Variants in TMEM40 observed in about 807,000 individuals in gnomAD.
The protein encoded by TMEM40 is transmembrane protein 40.
Under a neutral mutation model 40.8 loss-of-function variants are expected in TMEM40, and 34 were observed. The observed-to-expected ratio is 0.83, with a 90% CI of 0.63 to 1.11. The LOEUF is 1.11. Ranked by LOEUF, TMEM40 falls within the 50% of genes least tolerant of loss-of-function variation. The pLI is 0.00. For missense variants in TMEM40, 296 were observed against 280.2 expected, an observed-to-expected ratio of 1.06 and a Z score of -0.40; for synonymous variants, 106 against 107.0, an observed-to-expected ratio of 0.99 and a Z score of 0.06.
Position 12,748,677 on chromosome 3 carries a change from AGATGAGGAG to A in TMEM40, c.180_188del (p.Ser68_Ser70del). The stretch of plus-strand genomic sequence containing the variant: ...TACCTGAGGAGGAGGAGGATGAAGA[AGATGAGGAG>A]GATGAGGAGGAAGAGGAGGAGGAGG... On this transcript the variant is annotated inframe_deletion, in exon 3 of 12. Coordinates refer to ENST00000314124, the MANE Select transcript of TMEM40 (RefSeq NM_018306.4). 4 of 1,613,058 alleles carry A rather than the reference AGATGAGGAG, an allele frequency of 2.5e-6. No individual in the cohort carries two copies. Among genetic ancestry groups the A allele is most frequent in the Non-Finnish European group, 3.4e-6 (4 of 1,179,322 alleles).
intron 1 of TMEM40, among the ~76,000 whole-genome samples, chr3:12,756,305 C>T (rs2061526649): frequency 6.6e-6 from 1 of 152,162 alleles, no homozygotes; most frequent in African/African-American, 2.4e-5. Context: ...CTAACGGCCA[C>T]CATACTTGTA....
chr3:12,748,721 T>C lies in TMEM40; in HGVS notation c.145A>G (p.Lys49Glu), dbSNP rs1234524938. ...GAAGAGGAGGAGGAGGAAGAAGACT[T>C]GTTTCTCTCATATTGTTCTTGGGAA... The part of the protein sequence containing the change: ...LFSQEQYERN[K>E]SSSSSSSSSS... The change falls in exon 3 of 12, where the codon AAG becomes GAG. Residue 49 changes from lysine (K) to glutamate (E), a missense_variant. By Grantham distance (56) the Lys-to-Glu change is moderately conservative (BLOSUM62 1). Transcript: ENST00000314124. 1 of 1,614,010 alleles carries C rather than the reference T, an allele frequency of 6.2e-7. No homozygotes were observed. The highest frequency in any genetic ancestry group is 1.1e-5 in the South Asian group (1 of 91,076).
chr3:12,749,315 C>T (rs1420144508), intron 2 of TMEM40, among the ~76,000 whole-genome samples: 1 of 152,158 alleles, frequency 6.6e-6, no homozygotes, highest in Non-Finnish European at 1.5e-5. Flanking sequence ...TGAGCCGCCG[C>T]GCCCGGCCAG....
At chr3:12,765,789 T>C (rs2061591456) in intron 1 of TMEM40, among the ~76,000 whole-genome samples, 1 of 152,026 alleles carries the variant, frequency 6.6e-6, no homozygotes, top group African/African-American at 2.4e-5. Context: ...CAGAATGGTC[T>C]CGATCTCCTG....
At chr3:12,735,280 C>T (rs1350669457) in intron 11 of TMEM40, among the ~76,000 whole-genome samples, 1 of 152,240 alleles carries the variant, frequency 6.6e-6, no homozygotes, top group Non-Finnish European at 1.5e-5. Context: ...GACCATTTTT[C>T]TACTGTTTCA....
In TMEM40 at chr3:12,735,579, G is replaced by C. The variant is rs147042676; in HGVS notation, c.658C>G (p.Leu220Val). The change falls in exon 11 of 12, where the codon CTC becomes GTC. Residue 220 changes from leucine (L) to valine (V), a missense_variant. Transcript: ENST00000314124. ...IHSVLQGFIP[L>V]FQKFRLTGFR... ...CCTGTCAGCCTAAACTTCTGGAAGAGGGGGATGAAGCCTTGGAGGACGCTG... is the reference window on the plus strand; with the variant it reads ...CCTGTCAGCCTAAACTTCTGGAAGACGGGGATGAAGCCTTGGAGGACGCTG... 2 of 1,613,584 alleles carry C rather than the reference G, an allele frequency of 1.2e-6. No homozygotes were observed. The highest frequency in any genetic ancestry group is 2.2e-5 in the East Asian group (1 of 44,848).
intron 5 of TMEM40, among the ~76,000 whole-genome samples, chr3:12,741,953 C>A (rs995498441): frequency 6.6e-6 from 1 of 151,988 alleles, no homozygotes; most frequent in Non-Finnish European, 1.5e-5. Context: ...AAAAATTGGC[C>A]GGGCGCGGTG....
intron 3 of TMEM40, among the ~76,000 whole-genome samples, chr3:12,745,596 G>A (rs1239935437): frequency 6.6e-6 from 1 of 152,002 alleles, no homozygotes; most frequent in East Asian, 1.9e-4. Context: ...TTATAGGTAT[G>A]TGCCACCATG....
At chr3:12,768,781 C>T (rs548102337) in intron 1 of TMEM40, among the ~76,000 whole-genome samples, 54 of 152,254 alleles carry the variant, frequency 3.5e-4, no homozygotes, top group Admixed American at 2.4e-3. Context: ...GCCAGTCCCG[C>T]GCAGTGCTCC....
intron 1 of TMEM40, among the ~76,000 whole-genome samples, chr3:12,755,256 TTTCTTTCTTTCTTTCTTTCTTTCTTTC>T (rs1445638722): frequency 9.0e-4 from 106 of 118,432 alleles, no homozygotes; most frequent in African/African-American, 3.9e-3. Context: ...TCTTTCTTTC[TTTCTTTCTTTCTTTCTTTCTTTCTTTC>T]TTCTTTTCTA....
At chr3:12,747,938 AT>A (rs2061442128) in intron 3 of TMEM40, among the ~76,000 whole-genome samples, 1 of 146,434 alleles carries the variant, frequency 6.8e-6, no homozygotes, top group Admixed American at 6.8e-5. Flanking sequence ...AAAAAAAAAG[AT>A]GCTATTGGAT....
chr3:12,762,343 A>C (rs1052000321), upstream of TMEM40, among the ~76,000 whole-genome samples: 2 of 152,164 alleles, frequency 1.3e-5, no homozygotes, highest in Non-Finnish European at 2.9e-5. Flanking sequence ...AAATTTTTTT[A>C]AATTTTAAGT....
intron 3 of TMEM40, among the ~76,000 whole-genome samples, chr3:12,746,512 GGAGA>G (rs777156566): frequency 2.0e-5 from 3 of 152,214 alleles, no homozygotes; most frequent in Non-Finnish European, 4.4e-5. Flanking sequence ...CAGGTATGTG[GGAGA>G]GAGATGGTGG....
chr3:12,753,220 T>TC lies in TMEM40; in HGVS notation c.-8-3381_-8-3380insG, dbSNP rs565790121. On this transcript the variant is annotated intron_variant, in intron 1 of 11. Coordinates refer to ENST00000314124, the MANE Select transcript of TMEM40 (RefSeq NM_018306.4). ...CTTTCTTTCTTTCTTTCTTTTTTTT[T>TC]TTTTTTTTTTTTTTTTGAGACAGGG... Among the ~76,000 whole-genome samples the TC allele has an allele frequency of 1.1e-4, 15 of 134,876 alleles. No homozygotes were observed. The East Asian group carries it at 2.9e-3, about 26-fold the overall frequency. The allele number at this position is 134,876 out of a possible 152,430, so 88.5% of individuals were successfully genotyped here. A position where few individuals can be genotyped will look rare whatever the true frequency, so the allele number is the denominator to read the frequency against.
rs1356256543 is a variant in TMEM40 at position 12,749,850 on chromosome 3, T to C, written c.-8-10A>G. 1.2e-6 allele frequency: 2 copies of C among 1,612,326 alleles called. No homozygotes were observed. The highest frequency in any genetic ancestry group is 1.7e-6 in the Non-Finnish European group (2 of 1,179,122). The stretch of plus-strand genomic sequence containing the variant: ...GTCTCCATGGCTTTTCCTGGAGGAA[T>C]AACAATAATCAGTAGTTAATATCAC... On this transcript the variant is annotated splice_polypyrimidine_tract_variant and intron_variant, in intron 1 of 11. Coordinates refer to ENST00000314124, the MANE Select transcript of TMEM40 (RefSeq NM_018306.4).
chr3:12,749,290 C>T (rs1227623632), intron 2 of TMEM40, among the ~76,000 whole-genome samples: 2 of 152,204 alleles, frequency 1.3e-5, no homozygotes, highest in Admixed American at 1.3e-4. Flanking sequence ...TCCCAAAGTG[C>T]TGGGATTACA....
At chr3:12,768,532 C>T (rs941897264) in intron 1 of TMEM40, among the ~76,000 whole-genome samples, 5 of 152,088 alleles carry the variant, frequency 3.3e-5, no homozygotes, top group Non-Finnish European at 1.5e-5. Context: ...TAAAGATTCT[C>T]CAAGTCCCCA....
chr3:12,754,026 C>A (rs879820080), intron 1 of TMEM40, among the ~76,000 whole-genome samples: 5 of 152,146 alleles, frequency 3.3e-5, no homozygotes, highest in Non-Finnish European at 7.3e-5. Context: ...GAAACTGAGG[C>A]CCTGAAATGG....
chr3:12,751,675 A>G (rs1279391385), intron 1 of TMEM40, among the ~76,000 whole-genome samples: 2 of 152,114 alleles, frequency 1.3e-5, no homozygotes, highest in Non-Finnish European at 2.9e-5. Flanking sequence ...ATCGAGATGG[A>G]ATGACTGACA....
Sources: gnomAD v4.1 joint callset for allele counts (sites outside exome capture counted in the v4.1 genomes callset) on GRCh38, gnomAD v4.1.1 for gene constraint, MANE v1.5 for transcripts, NCBI Gene and HGNC (gene_info 2026-07-23, HGNC 2026-07-21) for gene names.